The following RNF138 variants were observed in gnomAD, a reference collection of about 807,000 sequenced individuals.
The protein encoded by RNF138 is E3 ubiquitin-protein ligase RNF138.
A neutral mutation model predicts 31.0 loss-of-function variants in RNF138; 12 were observed. That is an observed-to-expected ratio of 0.39 (90% CI 0.25 to 0.63). The LOEUF (loss-of-function observed/expected upper bound fraction) is 0.63. RNF138 is among the 20% of genes least tolerant of loss of function. The pLI is 0.52. For synonymous variants in RNF138, 105 were observed against 99.5 expected, an observed-to-expected ratio of 1.06 and a Z score of -0.33; for missense variants, 192 against 300.1, an observed-to-expected ratio of 0.64 and a Z score of 2.66.
rs114242877 is a variant in RNF138, at chr18:32,129,424, C to T, written c.*237C>T. On this transcript the variant is annotated 3_prime_UTR_variant, in exon 8 of 8. Coordinates refer to ENST00000261593, the MANE Select transcript of RNF138 (RefSeq NM_016271.5). ...TAAAAAAGATGTTTCACTAATGTAA[C>T]GGTGAAAGAGAATCCCTGTTGTACT... 1.0e-3 allele frequency: 403 copies of T among 394,736 alleles called. No homozygotes were observed. Among genetic ancestry groups the T allele is most frequent in the African/African-American group, 7.1e-3 (354 of 49,884 alleles). The allele number at this position is 394,736 out of a possible 1,614,324, so 24.5% of individuals were successfully genotyped here.
Position 32,129,170 on chromosome 18 carries a change from T to C in RNF138, c.721T>C (p.Phe241Leu), listed in dbSNP as rs2040432595. 1 of 1,611,940 alleles carries C rather than the reference T, an allele frequency of 6.2e-7. No individual in the cohort carries two copies. Among genetic ancestry groups the C allele is most frequent in the Non-Finnish European group, 8.5e-7 (1 of 1,178,500 alleles). Residue 241 changes from phenylalanine (F) to leucine (L), a missense_variant, in exon 8 of 8, where the codon TTT (phenylalanine) becomes CTT (leucine). Coordinates refer to ENST00000261593, the MANE Select transcript of RNF138 (RefSeq NM_016271.5). ...TQYQTAVEES[F>L]QVNI is the part of the protein sequence containing the mutation. ...ATACCAAACTGCTGTTGAAGAATCT[T>C]TTCAAGTAAACATCTGAAGGCTGTA...
intron 3 of RNF138, among the ~76,000 whole-genome samples, chr18:32,113,135 C>T (rs2040160706): frequency 1.3e-5 from 2 of 152,126 alleles, no homozygotes; most frequent in Admixed American, 6.5e-5. Context: ...TACAGTGGCA[C>T]AATCTCGGCT....
chr18:32,092,558 G>C, intron 1 of RNF138, 142 bp from the exon 2 acceptor site: 1 of 546,778 alleles, frequency 1.8e-6, no homozygotes, highest in South Asian at 2.1e-5. Context: ...TGTGGGAGGA[G>C]CCGTGGGAGG....
intron 4 of RNF138, among the ~76,000 whole-genome samples, chr18:32,117,306 G>A (rs1169111921): frequency 6.6e-6 from 1 of 152,076 alleles, no homozygotes; most frequent in Non-Finnish European, 1.5e-5. Context: ...GGAGAATTTA[G>A]TAAAGAGACT....
intron 2 of RNF138, among the ~76,000 whole-genome samples, chr18:32,107,566 G>A (rs374139406): frequency 6.6e-6 from 1 of 151,850 alleles, no homozygotes; most frequent in Non-Finnish European, 1.5e-5. Flanking sequence ...TGTCACCCAG[G>A]CTGGAGTGCA....
intron 2 of RNF138, among the ~76,000 whole-genome samples, chr18:32,106,960 A>G (rs1014769726): frequency 6.6e-6 from 1 of 151,898 alleles, no homozygotes; most frequent in Non-Finnish European, 1.5e-5. Flanking sequence ...TTCTGCTGAC[A>G]TATTTTTTAG....
At chr18:32,095,737 A>G (rs144863817) in intron 2 of RNF138, among the ~76,000 whole-genome samples, 34 of 152,320 alleles carry the variant, frequency 2.2e-4, no homozygotes, top group African/African-American at 8.2e-4. Context: ...TAACATTACT[A>G]AAATATAAAC....
chr18:32,118,023 G>A (rs1003933520), intron 4 of RNF138, among the ~76,000 whole-genome samples: 4 of 152,038 alleles, frequency 2.6e-5, no homozygotes, highest in Non-Finnish European at 4.4e-5. Context: ...CTCTGTAAAC[G>A]TTAGTAACTG....
chr18:32,123,700 T>TGGAG (rs1387859000), intron 5 of RNF138, 126 bp downstream of exon 5: 1 of 560,550 alleles, frequency 1.8e-6, no homozygotes, highest in Non-Finnish European at 2.9e-6. Flanking sequence ...TTTCCCAGGC[T>TGGAG]GGAGTGCAGT....
At chr18:32,111,996 GGT>G in intron 3 of RNF138, 77 bp downstream of exon 3, 2 of 1,277,838 alleles carry the variant, frequency 1.6e-6, no homozygotes, top group Non-Finnish European at 2.1e-6. Flanking sequence ...TTTCTTGGTT[GGT>G]GTTTTTTTTT....
chr18:32,108,376 A>G (rs2040072044), intron 2 of RNF138, among the ~76,000 whole-genome samples: 1 of 152,124 alleles, frequency 6.6e-6, no homozygotes, highest in Admixed American at 6.5e-5. Context: ...GACCTTTAAC[A>G]TAGTTTAAGT....
intron 4 of RNF138, among the ~76,000 whole-genome samples, chr18:32,115,243 C>T (rs905444226): frequency 1.3e-5 from 2 of 152,222 alleles, no homozygotes; most frequent in African/African-American, 2.4e-5. Context: ...AGGCCTTCCT[C>T]CCCCTTATTT....
chr18:32,093,105 G>GCTCCGGCT (rs563896162), intron 2 of RNF138, among the ~76,000 whole-genome samples: 1 of 149,472 alleles, frequency 6.7e-6, no homozygotes, highest in African/African-American at 2.5e-5. Flanking sequence ...CTCAGCCCAA[G>GCTCCGGCT]CTCCCGCTCT....
intron 2 of RNF138, among the ~76,000 whole-genome samples, chr18:32,097,970 GTGTGTGT>G (rs140854540): frequency 0.1 from 5,923 of 58,202 alleles, 274 homozygotes; most frequent in African/African-American, 0.2. Context: ...GTGTGTGTGT[GTGTGTGT>G]TATTTTTGTT....
intron 2 of RNF138, among the ~76,000 whole-genome samples, chr18:32,094,547 A>G (rs762897213): frequency 2.6e-5 from 4 of 152,080 alleles, no homozygotes; most frequent in Admixed American, 1.3e-4. Flanking sequence ...GTTCACAGGC[A>G]TGTGTGAGAT....
chr18:32,124,868 G>A, intron 6 of RNF138, 23 bp downstream of exon 6: 1 of 1,113,678 alleles, frequency 9.0e-7, no homozygotes, highest in Non-Finnish European at 1.4e-6. Context: ...GTTTGAGACA[G>A]TCTTCTGCTT....
intron 5 of RNF138, chr18:32,124,484 T>C (rs1276360656): frequency 2.7e-6 from 1 of 364,702 alleles, no homozygotes; most frequent in Non-Finnish European, 5.0e-6. Context: ...GGTTTTTGTT[T>C]TTGTTTTTGT....
chr18:32,104,173 C>T (rs1054970546), intron 2 of RNF138, among the ~76,000 whole-genome samples: 1 of 151,778 alleles, frequency 6.6e-6, no homozygotes, highest in African/African-American at 2.4e-5. Flanking sequence ...GCCACCATGC[C>T]TGGCGAATTT....
intron 2 of RNF138, chr18:32,109,507 C>T (rs1457226173): frequency 6.6e-6 from 1 of 152,258 alleles, no homozygotes; most frequent in African/African-American, 2.4e-5. Flanking sequence ...CTCATTGGCT[C>T]AAGAGACCCT....
Sources: allele counts gnomAD v4.1 joint callset (sites outside exome capture counted in the v4.1 genomes callset), GRCh38; gene constraint gnomAD v4.1.1; transcripts MANE v1.5; gene names NCBI Gene and HGNC (gene_info 2026-07-23, HGNC 2026-07-21).